Variants in CAMLG observed in about 807,000 individuals in gnomAD.
CAMLG encodes the protein guided entry of tail-anchored proteins factor CAMLG.
In CAMLG, 23 loss-of-function variants were observed where a neutral mutation model predicts 28.9. The ratio of observed to expected loss-of-function variants is 0.80; its 90% CI spans 0.57 to 1.13. The LOEUF is 1.13. Among genes scored for constraint, CAMLG ranks in the 50% most tolerant of loss-of-function variants. The pLI is 0.00. For synonymous variants in CAMLG, 141 were observed against 146.5 expected (o/e 0.96, Z 0.27); for missense variants, 367 against 371.9 (o/e 0.99, Z 0.11).
chr5:134,749,374 A>G (rs1347602364), intron 3 of CAMLG, among the ~76,000 whole-genome samples: 1 of 152,068 alleles, frequency 6.6e-6, no homozygotes, highest in Non-Finnish European at 1.5e-5. Context: ...GGCCAACTAT[A>G]GGTTTTTATA....
intron 1 of CAMLG, 22 bp downstream of exon 1, chr5:134,738,814 C>T (rs371350310): frequency 8.7e-6 from 14 of 1,612,134 alleles, no homozygotes; most frequent in Admixed American, 1.7e-5. Flanking sequence ...GATTTCCCCT[C>T]AGTCTCCCGC....
intron 3 of CAMLG, among the ~76,000 whole-genome samples, chr5:134,745,521 G>T (rs950797215): frequency 3.9e-5 from 6 of 152,034 alleles, no homozygotes; most frequent in Admixed American, 2.6e-4. Flanking sequence ...GGAGGCTGAG[G>T]GGGGTGGATC....
chr5:134,745,329 G>T (rs901764404), intron 3 of CAMLG, among the ~76,000 whole-genome samples: 3 of 151,814 alleles, frequency 2.0e-5, no homozygotes, highest in African/African-American at 7.3e-5. Flanking sequence ...CCAGCTACTC[G>T]GGAGGCTGAG....
chr5:134,740,582 A>T (rs1008292397), intron 1 of CAMLG, among the ~76,000 whole-genome samples: 11 of 152,024 alleles, frequency 7.2e-5, no homozygotes, highest in Non-Finnish European at 1.2e-4. Flanking sequence ...GGTGTAGAGG[A>T]AGAATCCAGC....
rs555686157 is a variant in CAMLG at position 134,741,459 on chromosome 5, T to C, written c.569T>C (p.Ile190Thr). The C allele has an allele frequency of 6.2e-7, 1 of 1,614,082 alleles. No homozygotes were observed. Residue 190 changes from isoleucine (I) to threonine (T), a missense_variant, in exon 2 of 4, where the codon ATA (isoleucine) becomes ACA (threonine). Coordinates refer to ENST00000297156, the MANE Select transcript of CAMLG (RefSeq NM_001745.4). ...NTTEEFDSFR[I>T]FRLVGCALLA... ...ACAGAAGAATTTGACTCTTTTCGAA[T>C]ATTTAGATTGGTGGGATGTGCTCTT...
chr5:134,743,547 G>A (rs1225279750), intron 2 of CAMLG, among the ~76,000 whole-genome samples: 2 of 151,728 alleles, frequency 1.3e-5, no homozygotes, highest in African/African-American at 4.8e-5. Flanking sequence ...TCCAGCCTGG[G>A]TGACAGAGCG....
intron 3 of CAMLG, among the ~76,000 whole-genome samples, chr5:134,746,137 CAAAAAAAA>C (rs1156938843): frequency 2.6e-5 from 2 of 77,136 alleles, no homozygotes; most frequent in African/African-American, 5.6e-5. Context: ...AACTCCATCT[CAAAAAAAA>C]AAAAAAAAAA....
In CAMLG at chr5:134,750,956, G is replaced by A; in HGVS notation, c.*6G>A. 1 of 1,585,520 alleles carries A rather than the reference G, an allele frequency of 6.3e-7. No individual in the cohort carries two copies. Among genetic ancestry groups the A allele is most frequent in the South Asian group, 1.1e-5 (1 of 87,558 alleles). ...GGGGCTCTGAAGTACCATGAAGCCT[G>A]TAGAACTGAGAAGGAGAAGCTTACA... On this transcript the variant is annotated 3_prime_UTR_variant, in exon 4 of 4. Coordinates refer to ENST00000297156, the MANE Select transcript of CAMLG (RefSeq NM_001745.4).
intron 1 of CAMLG, among the ~76,000 whole-genome samples, chr5:134,739,647 G>T (rs1752960039): frequency 6.6e-6 from 1 of 152,196 alleles, no homozygotes; most frequent in South Asian, 2.1e-4. Context: ...TTAGTCACTG[G>T]TCGCAAGCTC....
At chr5:134,747,826 G>A (rs569543118) in intron 3 of CAMLG, among the ~76,000 whole-genome samples, 69 of 151,212 alleles carry the variant, frequency 4.6e-4, no homozygotes, top group African/African-American at 1.6e-3. Flanking sequence ...AATTTTAGTA[G>A]AGACGGGGTT....
At chr5:134,742,764 G>A (rs1486637729) in intron 2 of CAMLG, among the ~76,000 whole-genome samples, 2 of 150,684 alleles carry the variant, frequency 1.3e-5, no homozygotes, top group African/African-American at 2.4e-5. Flanking sequence ...TTTTTTTTGA[G>A]GTGGAGTTTC....
rs1211500660 is a variant in CAMLG at position 134,741,217 on chromosome 5, A to G, written c.327A>G (p.Gln109=). 6.2e-7 allele frequency: 1 copy of G among 1,614,212 alleles called. No individual in the cohort carries two copies. The highest frequency in any genetic ancestry group is 1.7e-5 in the Admixed American group (1 of 60,010). The change falls in exon 2 of 4, where the codon CAA becomes CAG. Residue 109 remains glutamine, a synonymous_variant. Coordinates refer to ENST00000297156, the MANE Select transcript of CAMLG (RefSeq NM_001745.4). ...GTGTGGCCGAGGTAAAGGGGACCCA[A>G]CTGGGAGACAAATTGGACTCGTTCA... ...QGGVAEVKGT[Q]LGDKLDSFIK...
chr5:134,751,078 T>G lies in CAMLG; in HGVS notation c.*128T>G, dbSNP rs1753109771. On this transcript the variant is annotated 3_prime_UTR_variant, in exon 4 of 4. Coordinates refer to ENST00000297156, the MANE Select transcript of CAMLG (RefSeq NM_001745.4). ...TCTTTTACTTTAGGGGTTGTAAAGC[T>G]ACTTTATTAGATATAGAATGGCAGA... The G allele has an allele frequency of 1.6e-6, 1 of 620,530 alleles. No individual in the cohort carries two copies. The highest frequency in any genetic ancestry group is 2.8e-6 in the Non-Finnish European group (1 of 361,844). 38.4% of individuals were successfully genotyped at this position (620,530 alleles called of 1,614,324 possible). A position where few individuals can be genotyped will look rare whatever the true frequency, so the allele number is the denominator to read the frequency against.
In CAMLG at chr5:134,738,737, C is replaced by T; in HGVS notation, c.117C>T (p.Asn39=). 7 of 1,614,128 alleles carry T rather than the reference C, an allele frequency of 4.3e-6. No homozygotes were observed. The highest frequency in any genetic ancestry group is 5.9e-6 in the Non-Finnish European group (7 of 1,180,000). ...AELRRRKLLM[N]SEQRINRIMG... ...TGCGTCGGAGAAAGCTGCTCATGAA[C>T]TCGGAACAGCGCATCAACCGGATCA... Residue 39 remains asparagine, a synonymous_variant, in exon 1 of 4, where the codon AAC becomes AAT. Transcript: ENST00000297156.
intron 3 of CAMLG, 144 bp downstream of exon 3, chr5:134,744,196 T>G (rs751422788): frequency 3.5e-6 from 2 of 568,388 alleles, no homozygotes; most frequent in Non-Finnish European, 6.2e-6. Context: ...ATCTCCAAAC[T>G]ATGTGTTTGT....
chr5:134,742,767 G>A (rs1367805730), intron 2 of CAMLG, among the ~76,000 whole-genome samples: 1 of 150,942 alleles, frequency 6.6e-6, no homozygotes, highest in East Asian at 1.9e-4. Flanking sequence ...TTTTTGAGGT[G>A]GAGTTTCTTT....
At position 134,738,703 on chromosome 5, in the gene CAMLG, G is replaced by A; in HGVS notation, c.83G>A (p.Arg28Gln). The A allele has an allele frequency of 6.2e-7, 1 of 1,613,906 alleles. No homozygotes were observed. The highest frequency in any genetic ancestry group is 2.2e-5 in the East Asian group (1 of 44,858). The change falls in exon 1 of 4, where the codon CGG (arginine) becomes CAG (glutamine). Residue 28 changes from arginine (R) to glutamine (Q), a missense_variant. By Grantham distance (43) the Arg-to-Gln change is conservative (BLOSUM62 1). Coordinates refer to ENST00000297156, the MANE Select transcript of CAMLG (RefSeq NM_001745.4). ...AGSGLSASQRRAELRRRKLLM... is the reference protein window; with the variant it reads ...AGSGLSASQRQAELRRRKLLM... ...TCAGGTCTGTCGGCTTCCCAGCGTCGGGCGGAGCTGCGTCGGAGAAAGCTG... is the reference window on the plus strand; with the variant it reads ...TCAGGTCTGTCGGCTTCCCAGCGTCAGGCGGAGCTGCGTCGGAGAAAGCTG...
At chr5:134,747,604 C>G (rs190061758) in intron 3 of CAMLG, among the ~76,000 whole-genome samples, 306 of 151,866 alleles carry the variant, frequency 2.0e-3, no homozygotes, top group African/African-American at 7.1e-3. Flanking sequence ...CCTCGGCCCC[C>G]CAAAGTGCTG....
rs201308263 is a variant in CAMLG at position 134,750,369 on chromosome 5, C to CT, written c.700-389dup. Among the ~76,000 whole-genome samples the CT allele has an allele frequency of 3.9e-3, 594 of 152,128 alleles. 9 individuals carry two copies. The highest frequency in any genetic ancestry group is 0.012 in the Admixed American group (181 of 15,256). On this transcript the variant is annotated intron_variant, in intron 3 of 3. Coordinates refer to ENST00000297156, the MANE Select transcript of CAMLG (RefSeq NM_001745.4). The stretch of plus-strand genomic sequence containing the variant: ...CCTGACCAACATGGTGAAATCCTGT[C>CT]TCTACTAAAAATACAAAAATTAGCC...
Sources: allele counts gnomAD v4.1 joint callset (sites outside exome capture counted in the v4.1 genomes callset), GRCh38; gene constraint gnomAD v4.1.1; transcripts MANE v1.5; gene names NCBI Gene and HGNC (gene_info 2026-07-23, HGNC 2026-07-21).